Variants in FHOD1 observed in about 807,000 individuals in gnomAD.
The protein encoded by FHOD1 is FH1/FH2 domain-containing protein 1.
Under a neutral mutation model 111.6 loss-of-function variants are expected in FHOD1, and 89 were observed. The observed-to-expected ratio is 0.80, with a 90% confidence interval of 0.67 to 0.95. The LOEUF (loss-of-function observed/expected upper bound fraction) is 0.95, where lower values mean the gene tolerates loss of function less well. Among genes scored for constraint, FHOD1 ranks in the 40% least tolerant of loss-of-function variants. The pLI is 0.00. For missense variants in FHOD1, 1,446 were observed against 1,554.2 expected (o/e 0.93, Z 1.17); for synonymous variants, 618 against 639.0 (o/e 0.97, Z 0.50).
At position 67,236,635 on chromosome 16, in the gene FHOD1, A is replaced by G. The variant is rs1197217813; in HGVS notation, c.1241T>C (p.Leu414Pro). 1.2e-6 allele frequency: 2 copies of G among 1,613,272 alleles called. No individual in the cohort carries two copies. The highest frequency in any genetic ancestry group is 1.7e-6 in the Non-Finnish European group (2 of 1,179,714). ...AGGAAAAAGGTTCACTGAAGCTTGG[A>G]GACCGGAGGGAGGGCCCACAGGGCT... The part of the protein sequence containing the change: ...ASSPVGPPSG[L>P]QASVNLFPTI... Residue 414 changes from leucine (L) to proline (P), a missense_variant, in exon 11 of 22, where the codon CTC (leucine) becomes CCC (proline). Physicochemically the swap from Leu to Pro is moderately conservative, Grantham distance 98. Around this residue, in one of 3 missense-constraint regions of FHOD1, gnomAD observed 1,085 missense variants for 1,108.8 expected, o/e 0.98. Transcript: ENST00000258201.
chr16:67,230,585 G>C lies in FHOD1; in HGVS notation c.2858+16C>G. 1 of 1,613,906 alleles carries C rather than the reference G, an allele frequency of 6.2e-7. No individual in the cohort carries two copies. Among genetic ancestry groups the C allele is most frequent in the Non-Finnish European group, 8.5e-7 (1 of 1,179,822 alleles). On this transcript the variant is annotated intron_variant, in intron 18 of 21. Transcript: ENST00000258201. ...GGGTGGTGGCCGTCCTGCCTCTCTTGGGTCCATGCCCCTACCTATTGCAGA... is the reference window on the plus strand; with the variant it reads ...GGGTGGTGGCCGTCCTGCCTCTCTTCGGTCCATGCCCCTACCTATTGCAGA...
rs199955926 is a variant in FHOD1 at position 67,230,800 on chromosome 16, G to A, written c.2668-9C>T. Reference sequence around the variant, plus strand: ...AGCTGTTCAAAGTCCACCTGAGAAAGCAAGGGGGTGCACATACTGTCCCCC... The same window carrying A: ...AGCTGTTCAAAGTCCACCTGAGAAAACAAGGGGGTGCACATACTGTCCCCC... On this transcript the variant is annotated splice_polypyrimidine_tract_variant and intron_variant, in intron 17 of 21. Coordinates refer to ENST00000258201, the MANE Select transcript of FHOD1 (RefSeq NM_013241.3). The A allele has an allele frequency of 9.4e-4, 1,478 of 1,577,242 alleles. 3 individuals carry two copies. Among genetic ancestry groups the A allele is most frequent in the Non-Finnish European group, 1.1e-3 (1,222 of 1,161,680 alleles).
In FHOD1 at chr16:67,238,414, C is replaced by T. The variant is rs754648916; in HGVS notation, c.407G>A (p.Arg136His). Reference sequence around the variant, plus strand: ...CTGCTTCAGTGAGAAGAGGGAGCGGCGGAGCTCAGGACCACTGGAGCTATA... The same window carrying T: ...CTGCTTCAGTGAGAAGAGGGAGCGGTGGAGCTCAGGACCACTGGAGCTATA... Reference protein sequence around the residue: ...KLYSSSGPELRRSLFSLKQIF... With the variant: ...KLYSSSGPELHRSLFSLKQIF... The change falls in exon 4 of 22, where the codon CGC (arginine) becomes CAC (histidine). Residue 136 changes from arginine (R) to histidine (H), a missense_variant. Around this residue, in one of 3 missense-constraint regions of FHOD1, gnomAD observed 234 missense variants for 327.4 expected, o/e 0.71. Coordinates refer to ENST00000258201, the MANE Select transcript of FHOD1 (RefSeq NM_013241.3). The surrounding 1 kb of genome is among the most constrained non-coding windows in gnomAD (Gnocchi z 4.2). The T allele has an allele frequency of 5.6e-5, 91 of 1,614,082 alleles. No individual in the cohort carries two copies. The Admixed American group carries it at 7.3e-4, about 13-fold the overall frequency.
chr16:67,243,925 C>T (rs541465622), intron 1 of FHOD1, among the ~76,000 whole-genome samples: 113 of 152,250 alleles, frequency 7.4e-4, no homozygotes, highest in Non-Finnish European at 1.1e-3. Flanking sequence ...TTGGATAGTC[C>T]AGCCCCAGGG....
In FHOD1 at chr16:67,236,585, C is replaced by A. The variant is rs868061468; in HGVS notation, c.1291G>T (p.Asp431Tyr). 6.2e-7 allele frequency: 1 copy of A among 1,613,594 alleles called. No individual in the cohort carries two copies. Among genetic ancestry groups the A allele is most frequent in the Middle Eastern group, 1.7e-4 (1 of 6,054 alleles). The change falls in exon 11 of 22, where the codon GAC becomes TAC. Residue 431 changes from aspartate to tyrosine, a missense_variant. By Grantham distance (160) the Asp-to-Tyr change is radical. Around this residue, in one of 3 missense-constraint regions of FHOD1, gnomAD observed 1,085 missense variants for 1,108.8 expected, o/e 0.98. Transcript: ENST00000258201. ...TAGATGCTCCTCTCGCTGGAGGTGT[C>A]AGCTGAGGGTGCCACAGAGATGGTA... ...FPTISVAPSADTSSERSIYKA... is the reference protein window; with the variant it reads ...FPTISVAPSAYTSSERSIYKA...
chr16:67,247,189 C>T, intron 1 of FHOD1, 21 bp downstream of exon 1: 2 of 1,523,450 alleles, frequency 1.3e-6, no homozygotes, highest in Non-Finnish European at 1.8e-6. Context: ...ATCGCCCCAA[C>T]CTTTCTCCGG....
intron 11 of FHOD1, among the ~76,000 whole-genome samples, chr16:67,235,350 T>C (rs2034437254): frequency 6.6e-6 from 1 of 151,976 alleles, no homozygotes; most frequent in Admixed American, 6.6e-5. Flanking sequence ...GCCAACATGG[T>C]GAAACCCTGT....
At chr16:67,240,333 C>A (rs974827292) in intron 1 of FHOD1, among the ~76,000 whole-genome samples, 9 of 152,258 alleles carry the variant, frequency 5.9e-5, no homozygotes, top group South Asian at 2.1e-4. Flanking sequence ...TCTAGACCAG[C>A]CTGGCCAACG....
rs2034291070 is a variant in FHOD1 at position 67,231,869 on chromosome 16, G to T, written c.2203-50C>A. On this transcript the variant is annotated intron_variant, in intron 14 of 21. Coordinates refer to ENST00000258201, the MANE Select transcript of FHOD1 (RefSeq NM_013241.3). The surrounding 1 kb of genome is among the most constrained non-coding windows in gnomAD (Gnocchi z 4.3). Reference sequence around the variant, plus strand: ...ATGGCCCCCTCAATGCAGGCCTGAGGCCTGAGGCATTGGTCTTGACCCCTC... The same window carrying T: ...ATGGCCCCCTCAATGCAGGCCTGAGTCCTGAGGCATTGGTCTTGACCCCTC... The T allele has an allele frequency of 6.3e-7, 1 of 1,585,182 alleles. No homozygotes were observed. The highest frequency in any genetic ancestry group is 8.6e-7 in the Non-Finnish European group (1 of 1,164,020).
Position 67,229,610 on chromosome 16 carries a change from A to C in FHOD1, c.*26T>G, listed in dbSNP as rs201725796. The C allele has an allele frequency of 1.2e-6, 2 of 1,604,538 alleles. No homozygotes were observed. Among genetic ancestry groups the C allele is most frequent in the Non-Finnish European group, 1.7e-6 (2 of 1,171,380 alleles). On this transcript the variant is annotated 3_prime_UTR_variant, in exon 22 of 22. Coordinates refer to ENST00000258201, the MANE Select transcript of FHOD1 (RefSeq NM_013241.3). ...TCTCCTGCACTGCAGTCCAGGGTCC[A>C]GATAGATTTCCGGGATACAGCACCT...
In FHOD1 at chr16:67,236,127, T is replaced by C. The variant is rs907937876; in HGVS notation, c.1319+430A>G. The C allele has an allele frequency of 7.7e-5, 58 of 753,482 alleles. 1 individual carries two copies. The highest frequency in any genetic ancestry group is 9.1e-5 in the Non-Finnish European group (56 of 617,862). 46.7% of individuals were successfully genotyped at this position (753,482 alleles called of 1,614,324 possible). ...ACTGTGGTGTCAGCTCCATGGTTGCTCATACCCACACAGAGCTAGGCAGTG... is the reference window on the plus strand; with the variant it reads ...ACTGTGGTGTCAGCTCCATGGTTGCCCATACCCACACAGAGCTAGGCAGTG... On this transcript the variant is annotated intron_variant, in intron 11 of 21. Transcript: ENST00000258201.
chr16:67,234,204 GC>G lies in FHOD1; in HGVS notation c.1498del (p.Ala500ProfsTer20). On this transcript the variant is annotated frameshift_variant, in exon 13 of 22. Coordinates refer to ENST00000258201, the MANE Select transcript of FHOD1 (RefSeq NM_013241.3). LOFTEE classifies it high-confidence loss of function. The part of the protein sequence containing the change: ...APAARTPQSP[A>X]PCVLLRAQRS... ...CTGGGCCCGGAGCAGGACACAGGGG[GC>G]AGGGCTCTGGGGTGTTCTGGCTGCA... is the stretch of plus-strand genomic sequence containing the variant. 4 of 1,547,396 alleles carry G rather than the reference GC, an allele frequency of 2.6e-6. No homozygotes were observed. The highest frequency in any genetic ancestry group is 3.5e-6 in the Non-Finnish European group (4 of 1,145,400).
rs2034297310 is a variant in FHOD1, at chr16:67,232,042, A to G, written c.2199T>C (p.Ile733=). 1 of 1,614,142 alleles carries G rather than the reference A, an allele frequency of 6.2e-7. No individual in the cohort carries two copies. The highest frequency in any genetic ancestry group is 1.7e-5 in the Admixed American group (1 of 60,018). The change falls in exon 14 of 22, where the codon ATT becomes ATC. Residue 733 remains isoleucine (I), a synonymous_variant. Transcript: ENST00000258201. The stretch of plus-strand genomic sequence containing the variant: ...ACCCATAGCTGGGTGACCTCACCTC[A>G]ATGCCATCCTTGCTGACAGCAAACT... ...FDEFAVSKDG[I]EKLLTMMPTE...
chr16:67,233,786 GC>G lies in FHOD1; in HGVS notation c.1916del (p.Gly639AlafsTer53). On this transcript the variant is annotated frameshift_variant, in exon 13 of 22. Coordinates refer to ENST00000258201, the MANE Select transcript of FHOD1 (RefSeq NM_013241.3). LOFTEE classifies it high-confidence loss of function. ...CAAAGCGGCTTGCAGAGACTCCATG[GC>G]CCCCAGCCAGCTTCAGCTCACGCCA... ...LFWRELKLAG[G>X]HGVSASRFGP... is the part of the protein sequence containing the mutation. The G allele has an allele frequency of 6.2e-7, 1 of 1,613,838 alleles. No individual in the cohort carries two copies. The highest frequency in any genetic ancestry group is 8.5e-7 in the Non-Finnish European group (1 of 1,179,990).
intron 1 of FHOD1, among the ~76,000 whole-genome samples, chr16:67,243,358 C>T (rs961032256): frequency 4.0e-5 from 6 of 150,424 alleles, no homozygotes; most frequent in Admixed American, 1.3e-4. Context: ...TGCCAGGCAC[C>T]GGACTGCCTC....
rs746534527 is a variant in FHOD1, at chr16:67,231,741, G to A, written c.2281C>T (p.Leu761=). The change falls in exon 15 of 22, where the codon CTG becomes TTG. Residue 761 remains leucine, a synonymous_variant. Transcript: ENST00000258201. This position sits in a 1 kb window ranked among gnomAD's most constrained non-coding sequence, Gnocchi z 4.3. ...EAQLANPDIP[L]GPAENFLMTL... is the part of the protein sequence containing the mutation. ...ATCAGGAAGTTCTCGGCTGGGCCCA[G>A]GGGTATGTCAGGGTTGGCCAGCTGG... 5 of 1,614,154 alleles carry A rather than the reference G, an allele frequency of 3.1e-6. No homozygotes were observed. The African/African-American group carries it at 5.3e-5, about 17-fold the overall frequency.
chr16:67,247,284 A>T lies in FHOD1; in HGVS notation c.127T>A (p.Cys43Ser), dbSNP rs1209541498. The change falls in exon 1 of 22, where the codon TGC becomes AGC. Residue 43 changes from cysteine to serine, a missense_variant. Coordinates refer to ENST00000258201, the MANE Select transcript of FHOD1 (RefSeq NM_013241.3). ...NFPEPRRAPT[C>S]SLDGALPLGA... ...AAGGGCAGCGCCCCGTCCAGGCTGC[A>T]GGTGGGGGCCCGGCGCGGCTCCGGA... The T allele has an allele frequency of 1.2e-6, 2 of 1,612,840 alleles. No homozygotes were observed. Among genetic ancestry groups the T allele is most frequent in the Admixed American group, 3.3e-5 (2 of 59,964 alleles).
Position 67,237,944 on chromosome 16 carries a change from T to A in FHOD1, c.642+90A>T. 1 of 1,445,364 alleles carries A rather than the reference T, an allele frequency of 6.9e-7. No homozygotes were observed. The highest frequency in any genetic ancestry group is 9.7e-7 in the Non-Finnish European group (1 of 1,035,220). 89.5% of individuals were successfully genotyped at this position (1,445,364 alleles called of 1,614,324 possible). ...AGGCTTACAGAGGCCTCAGACTCAC[T>A]CCCTTCCAGCTCACTTTGCAGAACA... On this transcript the variant is annotated intron_variant, in intron 6 of 21. Transcript: ENST00000258201. This position sits in a 1 kb window ranked among gnomAD's most constrained non-coding sequence, Gnocchi z 5.6.
intron 1 of FHOD1, among the ~76,000 whole-genome samples, chr16:67,239,862 A>G (rs2034618148): frequency 6.6e-6 from 1 of 152,218 alleles, no homozygotes; most frequent in African/African-American, 2.4e-5. Context: ...AGCCTGGCAT[A>G]GCACCTGACA....
Sources: allele counts gnomAD v4.1 joint callset (sites outside exome capture counted in the v4.1 genomes callset), GRCh38; gene constraint gnomAD v4.1.1; regional missense constraint gnomAD v4.1.1; non-coding constraint Gnocchi (gnomAD v3.1); transcripts MANE v1.5; gene names NCBI Gene and HGNC (gene_info 2026-07-23, HGNC 2026-07-21).